ASAP2: variants seen among roughly 807,000 people sequenced by gnomAD.
The protein encoded by ASAP2 is ArfGAP with SH3 domain, ankyrin repeat and PH domain 2.
ASAP2 carries 45 observed loss-of-function variants against 131.4 expected under a neutral mutation model. The observed-to-expected ratio is 0.34, with a 90% CI of 0.27 to 0.44. The LOEUF (loss-of-function observed/expected upper bound fraction) is 0.44. Ranked by LOEUF, ASAP2 falls within the 20% of genes least tolerant of loss-of-function variation. ASAP2 has a pLI of 1.00. For missense variants in ASAP2, 1,011 were observed against 1,297.0 expected (o/e 0.78, Z 3.39); for synonymous variants, 510 against 503.0 (o/e 1.01, Z -0.19).
At chr2:9,401,420 G>A (rs1426034464) in intron 27 of ASAP2, 24 bp downstream of exon 27, 2 of 1,610,380 alleles carry the variant, frequency 1.2e-6, no homozygotes, top group African/African-American at 1.3e-5. Context: ...GGGCCTGGGA[G>A]GTTCCTGGGG....
chr2:9,342,103 C>T (rs1671624506), intron 9 of ASAP2, among the ~76,000 whole-genome samples: 1 of 152,210 alleles, frequency 6.6e-6, no homozygotes, highest in African/African-American at 2.4e-5. Context: ...TTGATCTACA[C>T]ATTCAGTGCA....
At chr2:9,396,071 G>A (rs1209306644) in intron 24 of ASAP2, among the ~76,000 whole-genome samples, 1 of 152,162 alleles carries the variant, frequency 6.6e-6, no homozygotes, top group East Asian at 1.9e-4. Flanking sequence ...AGGTTGGGCA[G>A]GGCAGCGGCT....
At chr2:9,352,711 C>A (rs1468146338) in intron 12 of ASAP2, among the ~76,000 whole-genome samples, 3 of 152,178 alleles carry the variant, frequency 2.0e-5, no homozygotes, top group Admixed American at 2.0e-4. Flanking sequence ...GTGAATCTGG[C>A]CACACACAAG....
rs1481293731 is a variant in ASAP2 at position 9,311,906 on chromosome 2, G to A, written c.346-6618G>A. On this transcript the variant is annotated intron_variant, in intron 3 of 27. Transcript: ENST00000281419. This position sits in a 1 kb window ranked among gnomAD's most constrained non-coding sequence, Gnocchi z 5.2. ...GTGCTGTGTGGATTGCATACACCAA[G>A]CATGGAAAGGCAGAGGCAAGCAGGC... is the stretch of plus-strand genomic sequence containing the variant. Among the ~76,000 whole-genome samples the A allele has an allele frequency of 6.6e-6, 1 of 152,256 alleles. No individual in the cohort carries two copies. The highest frequency in any genetic ancestry group is 6.5e-5 in the Admixed American group (1 of 15,286).
chr2:9,244,562 T>C (rs1220111478), intron 1 of ASAP2, among the ~76,000 whole-genome samples: 1 of 152,188 alleles, frequency 6.6e-6, no homozygotes, highest in Non-Finnish European at 1.5e-5. Flanking sequence ...CGGGAAGAGC[T>C]TGACACAAAC....
chr2:9,356,244 A>G lies in ASAP2; in HGVS notation c.1226A>G (p.Asn409Ser). Reference protein sequence around the residue: ...ALNNAFKGDDNTGENNIVQEL... With the variant: ...ALNNAFKGDDSTGENNIVQEL... ...AACAATGCATTTAAGGGGGATGACAATACTGGAGAAAATAACATCGTCCAA... is the reference window on the plus strand; with the variant it reads ...AACAATGCATTTAAGGGGGATGACAGTACTGGAGAAAATAACATCGTCCAA... The change falls in exon 14 of 28, where the codon AAT (asparagine) becomes AGT (serine). Residue 409 changes from asparagine to serine, a missense_variant. By Grantham distance (46) the Asn-to-Ser change is conservative. Coordinates refer to ENST00000281419, the MANE Select transcript of ASAP2 (RefSeq NM_003887.3). The G allele has an allele frequency of 3.7e-6, 6 of 1,614,166 alleles. No homozygotes were observed. Among genetic ancestry groups the G allele is most frequent in the Non-Finnish European group, 5.1e-6 (6 of 1,180,006 alleles).
intron 14 of ASAP2, among the ~76,000 whole-genome samples, chr2:9,356,936 TA>T (rs1672750229): frequency 6.6e-6 from 1 of 152,162 alleles, no homozygotes; most frequent in South Asian, 2.1e-4. Context: ...GGAATTTGCT[TA>T]TTCTAATTGA....
chr2:9,214,167 C>T (rs893728141), intron 1 of ASAP2, among the ~76,000 whole-genome samples: 3 of 152,222 alleles, frequency 2.0e-5, no homozygotes, highest in African/African-American at 4.8e-5. Context: ...CCTTTGCTTA[C>T]GCCTTTTCTG....
intron 9 of ASAP2, among the ~76,000 whole-genome samples, chr2:9,344,285 C>T (rs1032136752): frequency 3.3e-5 from 5 of 152,274 alleles, no homozygotes; most frequent in Non-Finnish European, 5.9e-5. Context: ...TTCCAGGGCT[C>T]ATTCCTTCAG....
At chr2:9,375,622 T>C (rs1179406504) in intron 17 of ASAP2, among the ~76,000 whole-genome samples, 1 of 152,182 alleles carries the variant, frequency 6.6e-6, no homozygotes, top group Admixed American at 6.5e-5. Flanking sequence ...GGCTTTGTAG[T>C]AGATCTGCAG....
At chr2:9,371,958 A>G (rs888473240) in intron 16 of ASAP2, among the ~76,000 whole-genome samples, 2 of 152,220 alleles carry the variant, frequency 1.3e-5, no homozygotes, top group African/African-American at 4.8e-5. Flanking sequence ...GAGGGATCAC[A>G]TTAGCAAAGC....
chr2:9,236,681 G>A (rs962418762), intron 1 of ASAP2, among the ~76,000 whole-genome samples: 1 of 152,220 alleles, frequency 6.6e-6, no homozygotes, highest in Non-Finnish European at 1.5e-5. Flanking sequence ...GTATGTATGT[G>A]TAGGTGGTTG....
chr2:9,286,265 G>A (rs922584739), intron 2 of ASAP2, among the ~76,000 whole-genome samples: 1 of 152,008 alleles, frequency 6.6e-6, no homozygotes, highest in South Asian at 2.1e-4. Flanking sequence ...GGGCATGATG[G>A]TGTATGCCTG....
At chr2:9,231,058 G>A (rs988124404) in intron 1 of ASAP2, among the ~76,000 whole-genome samples, 2 of 152,118 alleles carry the variant, frequency 1.3e-5, no homozygotes, top group Non-Finnish European at 2.9e-5. Context: ...GTTCTATGTC[G>A]GTCACTTTCC....
At chr2:9,347,759 CA>C (rs1339519350) in intron 11 of ASAP2, among the ~76,000 whole-genome samples, 2 of 152,180 alleles carry the variant, frequency 1.3e-5, no homozygotes, top group African/African-American at 4.8e-5. Context: ...GCCAGATTCG[CA>C]GGATTGCCAC....
At chr2:9,272,913 G>GT (rs1377195651) in intron 1 of ASAP2, among the ~76,000 whole-genome samples, 1 of 152,116 alleles carries the variant, frequency 6.6e-6, no homozygotes, top group Non-Finnish European at 1.5e-5. Context: ...CTATGTGTCT[G>GT]TTTTTATGCC....
chr2:9,212,414 C>T (rs1661633039), intron 1 of ASAP2, among the ~76,000 whole-genome samples: 1 of 151,970 alleles, frequency 6.6e-6, no homozygotes, highest in African/African-American at 2.4e-5. Context: ...CAGGCAGTTA[C>T]CTGTGGGTTA....
intron 3 of ASAP2, among the ~76,000 whole-genome samples, chr2:9,312,702 G>A (rs965161572): frequency 3.9e-5 from 6 of 152,210 alleles, no homozygotes; most frequent in Middle Eastern, 3.4e-3. Flanking sequence ...TAAACATGGG[G>A]CGTGTCTCCC....
At chr2:9,370,308 C>T (rs1449257137) in intron 16 of ASAP2, among the ~76,000 whole-genome samples, 1 of 152,206 alleles carries the variant, frequency 6.6e-6, no homozygotes, top group East Asian at 1.9e-4. Context: ...TCAGGTATCT[C>T]AGGTGAGCGA....
Sources: allele counts gnomAD v4.1 joint callset (sites outside exome capture counted in the v4.1 genomes callset), GRCh38; gene constraint gnomAD v4.1.1; non-coding constraint Gnocchi (gnomAD v3.1); transcripts MANE v1.5; gene names NCBI Gene and HGNC (gene_info 2026-07-23, HGNC 2026-07-21).